Variants in CSF2RA observed in about 807,000 individuals in gnomAD.
CSF2RA encodes the protein colony stimulating factor 2 receptor subunit alpha, also known as granulocyte-macrophage colony-stimulating factor receptor subunit alpha.
In CSF2RA, 42 loss-of-function variants were observed where a neutral mutation model predicts 51.6. The observed-to-expected ratio is 0.81, with a 90% confidence interval of 0.64 to 1.05. The LOEUF is 1.05. Among genes scored for constraint, CSF2RA ranks in the 50% least tolerant of loss-of-function variants. CSF2RA has a pLI of 0.00. For synonymous variants in CSF2RA, 222 were observed against 193.0 expected, an observed-to-expected ratio of 1.15 and a Z score of -1.24; for missense variants, 530 against 501.1, an observed-to-expected ratio of 1.06 and a Z score of -0.55.
chrX:1,300,345 C>T, intron 9 of CSF2RA, 146 bp from the exon 10 acceptor site: 1 of 967,386 alleles, frequency 1.0e-6, no homozygotes, highest in Non-Finnish European at 1.6e-6. Flanking sequence ...CCGATCAGAC[C>T]AAGTGCATTC....
intron 12 of CSF2RA, among the ~76,000 whole-genome samples, chrX:1,306,726 G>C (rs1174743675): frequency 3.3e-5 from 5 of 151,684 alleles, no homozygotes; most frequent in Non-Finnish European, 5.9e-5. Context: ...AGAGAGGGGA[G>C]AGAGACAAAG....
chrX:1,311,348 C>G (rs186858403), downstream of CSF2RA, among the ~76,000 whole-genome samples: 2 of 152,042 alleles, frequency 1.3e-5, no homozygotes, highest in South Asian at 4.1e-4. Context: ...TCCTCTCCCA[C>G]CAGGAGTGGA....
chrX:1,292,083 G>A (rs1171146788), intron 7 of CSF2RA, among the ~76,000 whole-genome samples: 3 of 140,192 alleles, frequency 2.1e-5, no homozygotes, highest in African/African-American at 7.8e-5. Context: ...GTGTAGACAG[G>A]AGACCCTGCA....
intron 1 of CSF2RA, among the ~76,000 whole-genome samples, chrX:1,269,742 G>A (rs1406069548): frequency 2.0e-5 from 3 of 152,020 alleles, no homozygotes; most frequent in South Asian, 2.1e-4. Flanking sequence ...CTTCAAGAAC[G>A]GGTTCTGGGA....
At chrX:1,305,032 C>T (rs1340352241) in intron 11 of CSF2RA, among the ~76,000 whole-genome samples, 3 of 131,760 alleles carry the variant, frequency 2.3e-5, no homozygotes, top group African/African-American at 8.6e-5. Context: ...CTCACTCTGT[C>T]ACCCAGGCTG....
intron 3 of CSF2RA, among the ~76,000 whole-genome samples, chrX:1,284,195 C>CTCTT (rs1443798206): frequency 0.025 from 2,331 of 91,794 alleles, 311 homozygotes; most frequent in African/African-American, 0.086. Context: ...CTCTGTCTCT[C>CTCTT]TTTTTTTTTT....
intron 4 of CSF2RA, 112 bp from the exon 5 acceptor site, chrX:1,288,405 CTG>C (rs1215937754): frequency 3.5e-6 from 4 of 1,158,990 alleles, no homozygotes; most frequent in African/African-American, 1.4e-5. Context: ...TTGCTTGAAC[CTG>C]GAAGGCGGAG....
rs2091068929 is a variant in CSF2RA at position 1,288,883 on chromosome X, C to T, written c.468C>T (p.Asn156=). 2 of 1,596,312 alleles carry T rather than the reference C, an allele frequency of 1.3e-6. No individual in the cohort carries two copies. Among genetic ancestry groups the T allele is most frequent in the South Asian group, 1.1e-5 (1 of 90,280 alleles). The change falls in exon 6 of 13, where the codon AAC becomes AAT. Residue 156 remains asparagine (N), a synonymous_variant. Transcript: ENST00000381529. The part of the protein sequence containing the change: ...RDVQYFLYIR[N]SKRRREIRCP... ...TCCAGTATTTTTTGTACATACGAAA[C>T]TCAAAGTAAGTGTTCACCTCATGTG... is the stretch of plus-strand genomic sequence containing the variant.
the CSF2RA span, among the ~76,000 whole-genome samples, chrX:1,323,735 C>T: frequency 6.6e-6 from 1 of 151,980 alleles, no homozygotes; most frequent in Non-Finnish European, 1.5e-5. Context: ...AAAATGCAGG[C>T]TGGGCGCAGT....
At chrX:1,295,493 CGT>C (rs1212888453) in intron 9 of CSF2RA, 37 bp downstream of exon 9, 4 of 1,574,240 alleles carry the variant, frequency 2.5e-6, no homozygotes, top group Non-Finnish European at 3.4e-6. Context: ...CAACCCTCAG[CGT>C]AACCCTACGG....
intron 1 of CSF2RA, among the ~76,000 whole-genome samples, chrX:1,269,938 C>A (rs2088153707): frequency 6.6e-6 from 1 of 151,874 alleles, no homozygotes; most frequent in South Asian, 2.1e-4. Context: ...CAAAACCACA[C>A]CTTTATTAAA....
At chrX:1,315,770 AATAG>A in the CSF2RA span, among the ~76,000 whole-genome samples, 43,236 of 124,116 alleles carry the variant, frequency 0.35, 6,651 homozygotes, top group East Asian at 0.43. Context: ...TAAAATAGAT[AATAG>A]ATAGATAGAT....
Position 1,288,196 on chromosome X carries a change from C to T in CSF2RA, c.220-323C>T, listed in dbSNP as rs758855720. Among the ~76,000 whole-genome samples the T allele has an allele frequency of 7.3e-4, 111 of 151,458 alleles. 3 individuals are homozygous for T. In the South Asian group the frequency reaches 0.023, roughly 31 times the overall value. On this transcript the variant is annotated intron_variant, in intron 4 of 12. Coordinates refer to ENST00000381529, the MANE Select transcript of CSF2RA (RefSeq NM_172245.4). ...CGCCAAATCCAGGTAAAAACCAATA[C>T]CATGGCCGGGCATGGTGGCTCACGC...
chrX:1,285,747 A>T (rs1408323683), intron 3 of CSF2RA, 31 bp from the exon 4 acceptor site: 2 of 1,569,400 alleles, frequency 1.3e-6, no homozygotes, highest in Non-Finnish European at 1.7e-6. Context: ...AGAAAAGAGG[A>T]AATTCTGAAC....
At position 1,273,770 on chromosome X, in the gene CSF2RA, T is replaced by G. The variant is rs1177892630; in HGVS notation, c.-90-985T>G. On this transcript the variant is annotated intron_variant, in intron 1 of 12. Transcript: ENST00000381529. ...TAATTTTTTTTTTTTTTTTTGTATT[T>G]TTTTTTTTTAGTAGAGATGGGGTTT... Among the ~76,000 whole-genome samples the G allele has an allele frequency of 2.1e-5, 3 of 144,326 alleles. No homozygotes were observed. The Admixed American group carries it at 2.1e-4, about 10-fold the overall frequency. The allele number at this position is 144,326 out of a possible 152,430, so 94.7% of individuals were successfully genotyped here.
intron 1 of CSF2RA, among the ~76,000 whole-genome samples, chrX:1,270,352 A>G (rs1252973822): frequency 1.3e-5 from 2 of 151,878 alleles, no homozygotes; most frequent in Non-Finnish European, 2.9e-5. Context: ...CAATCCTCCC[A>G]TCTCGGCCTC....
chrX:1,294,185 A>C, intron 7 of CSF2RA, 143 bp from the exon 8 acceptor site: 1 of 1,022,130 alleles, frequency 9.8e-7, no homozygotes, highest in Non-Finnish European at 1.6e-6. Context: ...CTCCACCTCC[A>C]CCTGGACCCA....
intron 12 of CSF2RA, among the ~76,000 whole-genome samples, chrX:1,307,449 A>G (rs1404871686): frequency 4.8e-5 from 7 of 144,796 alleles, no homozygotes; most frequent in Non-Finnish European, 7.5e-5. Context: ...CCTTCAGCTT[A>G]TTAGATAAGG....
chrX:1,290,654 C>T lies in CSF2RA; in HGVS notation c.646+145C>T, dbSNP rs1175368767. ...CCGAGGCGGGCCGATCACCTGAGATCGGGTGTTCAAAACCAGCCTGACCAA... is the reference window on the plus strand; with the variant it reads ...CCGAGGCGGGCCGATCACCTGAGATTGGGTGTTCAAAACCAGCCTGACCAA... On this transcript the variant is annotated intron_variant, in intron 7 of 12. Transcript: ENST00000381529. The T allele has an allele frequency of 7.0e-5, 59 of 839,940 alleles. 1 individual carries two copies. The highest frequency in any genetic ancestry group is 3.4e-4 in the Middle Eastern group (1 of 2,908). The allele number at this position is 839,940 out of a possible 1,614,324, so 52.0% of individuals were successfully genotyped here.
Sources: gnomAD v4.1 joint callset for allele counts (sites outside exome capture counted in the v4.1 genomes callset) on GRCh38, gnomAD v4.1.1 for gene constraint, MANE v1.5 for transcripts, NCBI Gene and HGNC (gene_info 2026-07-23, HGNC 2026-07-21) for gene names.